ABLIM2: variants seen among roughly 807,000 people sequenced by gnomAD.
ABLIM2 encodes actin binding LIM protein family member 2.
ABLIM2 carries 53 observed loss-of-function variants against 97.7 expected under a neutral mutation model. That is an observed-to-expected ratio of 0.54 (90% CI 0.44 to 0.68). The LOEUF (loss-of-function observed/expected upper bound fraction) is 0.68. Among genes scored for constraint, ABLIM2 ranks in the 30% least tolerant of loss-of-function variants. The pLI, the probability that ABLIM2 is intolerant of heterozygous loss-of-function variation, is 0.00. For synonymous variants in ABLIM2, 361 were observed against 345.8 expected (o/e 1.04, Z -0.49); for missense variants, 835 against 867.2 (o/e 0.96, Z 0.47).
chr4:8,106,526 T>G lies in ABLIM2; in HGVS notation c.122A>C (p.Lys41Thr). 6.2e-7 allele frequency: 1 copy of G among 1,601,682 alleles called. No individual in the cohort carries two copies. The highest frequency in any genetic ancestry group is 8.5e-7 in the Non-Finnish European group (1 of 1,174,434). Residue 41 changes from lysine (K) to threonine (T), a missense_variant, in exon 2 of 21, where the codon AAG becomes ACG. Lys to Thr is a moderately conservative substitution (Grantham distance 78). Coordinates refer to ENST00000447017, the MANE Select transcript of ABLIM2 (RefSeq NM_001130083.2). ...GACGAAGCACTTGATGTGGAAGTACTTGTCCTGCACCCGCAGCACCTCGCC... is the reference window on the plus strand; with the variant it reads ...GACGAAGCACTTGATGTGGAAGTACGTGTCCTGCACCCGCAGCACCTCGCC... ...CKGEVLRVQD[K>T]YFHIKCFVCK... is the part of the protein sequence containing the mutation.
In ABLIM2 at chr4:8,072,325, G is replaced by A. The variant is rs533558531; in HGVS notation, c.675+5303C>T. Among the ~76,000 whole-genome samples the A allele has an allele frequency of 4.6e-5, 7 of 150,924 alleles. No homozygotes were observed. The highest frequency in any genetic ancestry group is 7.3e-5 in the Non-Finnish European group (5 of 68,028). On this transcript the variant is annotated intron_variant, in intron 6 of 20. Transcript: ENST00000447017. This position sits in a 1 kb window ranked among gnomAD's most constrained non-coding sequence, Gnocchi z 5.8. ...CTCCCAATCCATCAAGGGGAGGGGG[G>A]GCTGCCTGATGAAACCCACTTTGCT...
At chr4:8,035,661 C>A (rs1008768977) in intron 10 of ABLIM2, among the ~76,000 whole-genome samples, 1 of 152,214 alleles carries the variant, frequency 6.6e-6, no homozygotes, top group Admixed American at 6.5e-5. Context: ...CGTCCACAGG[C>A]AGGCCAGGAA....
intron 8 of ABLIM2, among the ~76,000 whole-genome samples, chr4:8,052,956 G>A (rs1362523506): frequency 2.0e-5 from 3 of 152,230 alleles, no homozygotes; most frequent in Non-Finnish European, 2.9e-5. Context: ...GCTGAGATCC[G>A]CAGCAGGATG....
rs553601452 is a variant in ABLIM2 at position 8,141,484 on chromosome 4, G to C, written c.10+17196C>G. Reference sequence around the variant, plus strand: ...TTGCCAAACACATGCACCAACATTTGAATAATTCAACTTCCATAAAAGGGG... The same window carrying C: ...TTGCCAAACACATGCACCAACATTTCAATAATTCAACTTCCATAAAAGGGG... On this transcript the variant is annotated intron_variant, in intron 1 of 20. Coordinates refer to ENST00000447017, the MANE Select transcript of ABLIM2 (RefSeq NM_001130083.2). 3.3e-5 allele frequency among the ~76,000 whole-genome samples: 5 copies of C among 152,260 alleles called. No homozygotes were observed. The East Asian group carries it at 9.6e-4, about 29-fold the overall frequency.
chr4:8,059,368 G>A (rs926843474), intron 7 of ABLIM2, among the ~76,000 whole-genome samples: 2 of 151,956 alleles, frequency 1.3e-5, no homozygotes, highest in Non-Finnish European at 2.9e-5. Context: ...CATTTTGTAA[G>A]GGGAACTGAG....
intron 6 of ABLIM2, among the ~76,000 whole-genome samples, chr4:8,063,519 C>T (rs1804835464): frequency 6.6e-6 from 1 of 152,252 alleles, no homozygotes; most frequent in African/African-American, 2.4e-5. Flanking sequence ...CTGACCATAA[C>T]AGGCACAGAG....
intron 14 of ABLIM2, among the ~76,000 whole-genome samples, chr4:8,012,259 A>T (rs60261683): frequency 1 from 151,223 of 151,308 alleles, 75,569 homozygotes; most frequent in Middle Eastern, 1. Context: ...CCATCCACTG[A>T]TCCATCCACC....
chr4:8,132,018 G>A lies in ABLIM2; in HGVS notation c.11-25381C>T, dbSNP rs192893075. 2.3e-3 allele frequency among the ~76,000 whole-genome samples: 342 copies of A among 151,574 alleles called. 2 individuals are homozygous for A. The highest frequency in any genetic ancestry group is 4.3e-3 in the Non-Finnish European group (290 of 67,976). On this transcript the variant is annotated intron_variant, in intron 1 of 20. Coordinates refer to ENST00000447017, the MANE Select transcript of ABLIM2 (RefSeq NM_001130083.2). The surrounding 1 kb of genome is among the most constrained non-coding windows in gnomAD (Gnocchi z 8.0). Reference sequence around the variant, plus strand: ...CCCTGCACAGCAGCCCGCATCCCCTGCACGGCAGCCTGCATCCCCGAGCAC... The same window carrying A: ...CCCTGCACAGCAGCCCGCATCCCCTACACGGCAGCCTGCATCCCCGAGCAC...
At chr4:8,031,151 C>G (rs1245743926) in intron 10 of ABLIM2, among the ~76,000 whole-genome samples, 2 of 152,210 alleles carry the variant, frequency 1.3e-5, no homozygotes, top group African/African-American at 2.4e-5. Context: ...GCAGGCAAGT[C>G]CCAGTAAGGT....
chr4:8,062,081 G>A (rs1230877986), intron 6 of ABLIM2, among the ~76,000 whole-genome samples: 1 of 151,764 alleles, frequency 6.6e-6, no homozygotes, highest in East Asian at 1.9e-4. Context: ...CCCAGGCCTC[G>A]GCACCAGCTG....
At chr4:8,007,298 T>G in intron 16 of ABLIM2, 1 of 985,384 alleles carries the variant, frequency 1.0e-6, no homozygotes, top group Non-Finnish European at 1.2e-6. Context: ...AGATTTGAAC[T>G]TGGGACTGCC....
chr4:8,131,699 C>A (rs1177175276), intron 1 of ABLIM2, among the ~76,000 whole-genome samples: 2 of 100,364 alleles, frequency 2.0e-5, no homozygotes, highest in Admixed American at 9.6e-5. Context: ...GCATCCCCAG[C>A]ACAGCAGCCC....
At chr4:7,989,420 C>T (rs1746976818) in intron 17 of ABLIM2, 3 of 985,380 alleles carry the variant, frequency 3.0e-6, no homozygotes, top group Non-Finnish European at 3.6e-6. Flanking sequence ...AAATCACCCA[C>T]CATACTTGTA....
At position 8,123,205 on chromosome 4, in the gene ABLIM2, T is replaced by TC. The variant is rs1477678415; in HGVS notation, c.11-16569_11-16568insG. On this transcript the variant is annotated intron_variant, in intron 1 of 20. Transcript: ENST00000447017. The surrounding 1 kb of genome is among the most constrained non-coding windows in gnomAD (Gnocchi z 6.2). ...TTCCCTGGCAGCTGGTGCCCCTTAC[T>TC]TGGGGTCTCTAATCCCTGCCTGGCC... is the stretch of plus-strand genomic sequence containing the variant. Among the ~76,000 whole-genome samples the TC allele has an allele frequency of 6.6e-6, 1 of 152,158 alleles. No individual in the cohort carries two copies. Among genetic ancestry groups the TC allele is most frequent in the Non-Finnish European group, 1.5e-5 (1 of 68,020 alleles).
intron 8 of ABLIM2, among the ~76,000 whole-genome samples, chr4:8,050,020 G>A (rs1006108943): frequency 2.6e-5 from 4 of 152,166 alleles, no homozygotes; most frequent in South Asian, 2.1e-4. Context: ...GAGCCACTGC[G>A]CACGGCCAGT....
At chr4:8,024,460 G>A (rs538334265) in intron 12 of ABLIM2, among the ~76,000 whole-genome samples, 8 of 152,194 alleles carry the variant, frequency 5.3e-5, no homozygotes, top group Non-Finnish European at 1.0e-4. Context: ...GTACAGTGCC[G>A]TCCGGAGGGA....
At chr4:8,135,769 G>A (rs760806446) in intron 1 of ABLIM2, among the ~76,000 whole-genome samples, 2 of 152,238 alleles carry the variant, frequency 1.3e-5, no homozygotes, top group African/African-American at 2.4e-5. Flanking sequence ...CACCCAGCCC[G>A]GAGGCCGGCA....
chr4:8,121,737 T>C (rs1215707942), intron 1 of ABLIM2, among the ~76,000 whole-genome samples: 4 of 152,158 alleles, frequency 2.6e-5, no homozygotes, highest in Admixed American at 6.5e-5. Flanking sequence ...CAGTGAATAT[T>C]TCTCAAATCT....
chr4:8,052,965 T>A lies in ABLIM2; in HGVS notation c.822+1223A>T, dbSNP rs149428993. 7.4e-4 allele frequency among the ~76,000 whole-genome samples: 112 copies of A among 152,356 alleles called. 4 individuals are homozygous for A. In the East Asian group the frequency reaches 0.021, roughly 28 times the overall value. On this transcript the variant is annotated intron_variant, in intron 8 of 20. Coordinates refer to ENST00000447017, the MANE Select transcript of ABLIM2 (RefSeq NM_001130083.2). The stretch of plus-strand genomic sequence containing the variant: ...GGGGTTGCTGAGATCCGCAGCAGGA[T>A]GAGGACATGGCCTGGCCTGTGGGCC...
Sources: allele counts gnomAD v4.1 joint callset (sites outside exome capture counted in the v4.1 genomes callset), GRCh38; gene constraint gnomAD v4.1.1; non-coding constraint Gnocchi (gnomAD v3.1); transcripts MANE v1.5; gene names NCBI Gene and HGNC (gene_info 2026-07-23, HGNC 2026-07-21).